MARCHF1: variants seen among roughly 807,000 people sequenced by gnomAD.
The protein encoded by MARCHF1 is membrane associated ring-CH-type finger 1, also known as E3 ubiquitin-protein ligase MARCHF1.
In MARCHF1, 40 loss-of-function variants were observed where a neutral mutation model predicts 54.2. The ratio of observed to expected loss-of-function variants is 0.74; its 90% CI spans 0.57 to 0.96. The LOEUF (loss-of-function observed/expected upper bound fraction) is 0.96, where lower values mean the gene tolerates loss of function less well. MARCHF1 is among the 40% of genes least tolerant of loss of function. The pLI is 0.00. For missense variants in MARCHF1, 586 were observed against 656.5 expected (o/e 0.89, Z 1.17); for synonymous variants, 236 against 236.3 (o/e 1.00, Z 0.01).
At chr4:164,347,512 A>G (rs143195092) in intron 1 of MARCHF1, among the ~76,000 whole-genome samples, 3 of 152,184 alleles carry the variant, frequency 2.0e-5, no homozygotes, top group East Asian at 3.9e-4. Context: ...GTTCTTACCT[A>G]TTTTTATTTT....
chr4:164,255,980 C>A (rs893048575), intron 1 of MARCHF1, among the ~76,000 whole-genome samples: 1 of 151,740 alleles, frequency 6.6e-6, no homozygotes, highest in Non-Finnish European at 1.5e-5. Flanking sequence ...TCTAGTAGAT[C>A]ACAAAGACAT....
At chr4:163,618,119 A>C (rs1190158816) in intron 5 of MARCHF1, among the ~76,000 whole-genome samples, 1 of 152,178 alleles carries the variant, frequency 6.6e-6, no homozygotes, top group Non-Finnish European at 1.5e-5. Context: ...TTGTTGCCGA[A>C]GAATATTCAA....
At chr4:163,787,555 T>C (rs1322850045) in intron 4 of MARCHF1, among the ~76,000 whole-genome samples, 1 of 151,204 alleles carries the variant, frequency 6.6e-6, no homozygotes, top group African/African-American at 2.4e-5. Flanking sequence ...ATGGCTACTA[T>C]TAAAAAAAAA....
intron 4 of MARCHF1, among the ~76,000 whole-genome samples, chr4:163,850,230 C>T (rs1399404996): frequency 6.6e-6 from 1 of 152,198 alleles, no homozygotes; most frequent in African/African-American, 2.4e-5. Flanking sequence ...GCACCCCCTT[C>T]AGGGGTCTGG....
intron 3 of MARCHF1, among the ~76,000 whole-genome samples, chr4:163,955,269 C>T (rs974944026): frequency 3.4e-5 from 5 of 148,348 alleles, no homozygotes; most frequent in African/African-American, 5.0e-5. Flanking sequence ...TCTAACAGTC[C>T]GGAGTAACTC....
At chr4:164,113,055 T>G (rs1457085827) in intron 1 of MARCHF1, among the ~76,000 whole-genome samples, 2 of 148,540 alleles carry the variant, frequency 1.3e-5, no homozygotes, top group African/African-American at 5.1e-5. Context: ...GTGAGGACAC[T>G]GTCTTCCAGC....
At chr4:163,895,469 C>G (rs1410191068) in intron 3 of MARCHF1, among the ~76,000 whole-genome samples, 6 of 152,122 alleles carry the variant, frequency 3.9e-5, no homozygotes, top group Non-Finnish European at 2.9e-5. Flanking sequence ...ATCTAAACCG[C>G]AAATCACACT....
At chr4:163,749,191 CATTTT>C (rs779767565) in intron 4 of MARCHF1, among the ~76,000 whole-genome samples, 35 of 150,906 alleles carry the variant, frequency 2.3e-4, no homozygotes, top group Non-Finnish European at 1.9e-4. Context: ...TTCACGATTT[CATTTT>C]AAGTTATCTT....
intron 1 of MARCHF1, among the ~76,000 whole-genome samples, chr4:164,252,163 C>T (rs12711364): frequency 0.12 from 17,668 of 152,134 alleles, 1,614 homozygotes; most frequent in African/African-American, 0.25. Context: ...TTTAGTATAT[C>T]ACCAAGTATG....
intron 1 of MARCHF1, among the ~76,000 whole-genome samples, chr4:164,377,839 G>A (rs1480801233): frequency 6.6e-6 from 1 of 152,164 alleles, no homozygotes; most frequent in Non-Finnish European, 1.5e-5. Context: ...GATAGAACCT[G>A]CCTTCGTTTT....
At chr4:163,956,442 C>T (rs1468045791) in intron 3 of MARCHF1, among the ~76,000 whole-genome samples, 1 of 151,992 alleles carries the variant, frequency 6.6e-6, no homozygotes, top group African/African-American at 2.4e-5. Flanking sequence ...TACTGTTGTC[C>T]GAATATCACA....
intron 3 of MARCHF1, among the ~76,000 whole-genome samples, chr4:163,872,724 T>C (rs563554072): frequency 8.9e-4 from 136 of 152,254 alleles, no homozygotes; most frequent in African/African-American, 3.0e-3. Flanking sequence ...TATTGTGATA[T>C]TTTGACATTT....
In MARCHF1 at chr4:163,722,766, C is replaced by T. The variant is rs540179121; in HGVS notation, c.112-21903G>A. ...GTTAGCTCTTCTTGTTGAATTGATC[C>T]CTTTACCATTATGTAATGGCCTTGT... On this transcript the variant is annotated intron_variant, in intron 4 of 9. Coordinates refer to ENST00000514618, the MANE Select transcript of MARCHF1 (RefSeq NM_001394959.1). 3.0e-4 allele frequency among the ~76,000 whole-genome samples: 46 copies of T among 152,208 alleles called. No homozygotes were observed. In the South Asian group the frequency reaches 7.9e-3, roughly 26 times the overall value.
intron 5 of MARCHF1, among the ~76,000 whole-genome samples, chr4:163,654,809 A>C (rs996291996): frequency 2.6e-5 from 4 of 151,664 alleles, no homozygotes; most frequent in African/African-American, 9.7e-5. Context: ...TCACTTTTAC[A>C]ATCTGTCAAT....
chr4:164,003,131 A>G (rs77970894), intron 2 of MARCHF1, among the ~76,000 whole-genome samples: 2,447 of 152,012 alleles, frequency 0.016, 55 homozygotes, highest in African/African-American at 0.052. Context: ...GCAAAATGGT[A>G]TAAGGACAGA....
intron 2 of MARCHF1, among the ~76,000 whole-genome samples, chr4:164,067,016 TAAAAA>T (rs544415375): frequency 7.7e-6 from 1 of 130,066 alleles, no homozygotes; most frequent in African/African-American, 2.9e-5. Context: ...CCTCTGAACT[TAAAAA>T]AAAAAGTCTG....
chr4:163,965,586 A>G (rs1393793123), intron 3 of MARCHF1, among the ~76,000 whole-genome samples: 1 of 152,038 alleles, frequency 6.6e-6, no homozygotes, highest in Non-Finnish European at 1.5e-5. Context: ...AAGGACCCAG[A>G]CTTATCTCTG....
intron 1 of MARCHF1, among the ~76,000 whole-genome samples, chr4:164,180,730 ACTCTAACT>A (rs1478058163): frequency 6.6e-6 from 1 of 152,168 alleles, no homozygotes; most frequent in Admixed American, 6.5e-5. Context: ...CTTGCAAGGC[ACTCTAACT>A]CTTACTATTT....
intron 4 of MARCHF1, among the ~76,000 whole-genome samples, chr4:163,761,507 T>C (rs1474745528): frequency 7.9e-6 from 1 of 126,066 alleles, no homozygotes; most frequent in Non-Finnish European, 1.7e-5. Flanking sequence ...GGAGGATAAT[T>C]GAATATTAAG....
Sources: gnomAD v4.1 joint callset for allele counts (sites outside exome capture counted in the v4.1 genomes callset) on GRCh38, gnomAD v4.1.1 for gene constraint, MANE v1.5 for transcripts, NCBI Gene and HGNC (gene_info 2026-07-23, HGNC 2026-07-21) for gene names.